The following VIPR1 variants were observed in gnomAD, a reference collection of about 807,000 sequenced individuals.
VIPR1 encodes vasoactive intestinal polypeptide receptor 1.
In VIPR1, 59 loss-of-function variants were observed where a neutral mutation model predicts 58.8. That is an observed-to-expected ratio of 1.00 (90% CI 0.81 to 1.25). The LOEUF (loss-of-function observed/expected upper bound fraction) is 1.25, where lower values mean the gene tolerates loss of function less well. VIPR1 is among the 50% of genes most tolerant of loss of function. VIPR1 has a pLI of 0.00. For missense variants in VIPR1, 626 were observed against 602.7 expected (o/e 1.04, Z -0.40); for synonymous variants, 251 against 242.1 (o/e 1.04, Z -0.34).
Position 42,531,836 on chromosome 3 carries a change from G to C in VIPR1, c.885G>C (p.Trp295Cys), listed in dbSNP as rs756655145. Residue 295 changes from tryptophan (W) to cysteine (C), a missense_variant, in exon 9 of 13, where the codon TGG becomes TGC. Trp to Cys is a radical substitution (Grantham distance 215, BLOSUM62 -2). Transcript: ENST00000325123. ...CWDTINSSLW[W>C]IIKGPILTSI... ...ACACCATCAACTCCTCACTGTGGTG[G>C]ATCATAAAGGGCCCCATCCTCACCT... 1.2e-6 allele frequency: 2 copies of C among 1,614,112 alleles called. No individual in the cohort carries two copies. Among genetic ancestry groups the C allele is most frequent in the Non-Finnish European group, 8.5e-7 (1 of 1,180,022 alleles).
intron 1 of VIPR1, among the ~76,000 whole-genome samples, chr3:42,504,975 A>G (rs553635019): frequency 1.4e-4 from 21 of 146,410 alleles, no homozygotes; most frequent in Non-Finnish European, 2.8e-4. Flanking sequence ...CCCCAAGGCC[A>G]CCTGTCAAGC....
At chr3:42,520,274 A>AG (rs971063311) in intron 3 of VIPR1, among the ~76,000 whole-genome samples, 1 of 152,220 alleles carries the variant, frequency 6.6e-6, no homozygotes, top group African/African-American at 2.4e-5. Flanking sequence ...CGCCGAGGCC[A>AG]GACCATGCAG....
At chr3:42,491,185 T>C (rs1699658190) in intron 1 of VIPR1, among the ~76,000 whole-genome samples, 1 of 152,190 alleles carries the variant, frequency 6.6e-6, no homozygotes, top group Non-Finnish European at 1.5e-5. Context: ...GGAGTCTCTG[T>C]ATGAAATTTG....
At chr3:42,499,833 T>C (rs114072412), upstream of VIPR1, among the ~76,000 whole-genome samples, 758 of 152,180 alleles carry the variant, frequency 5.0e-3, 7 homozygotes, top group African/African-American at 0.017. Context: ...AAGGATGGCT[T>C]CCTCAGCAGA....
rs917140010 is a variant in VIPR1 at position 42,532,247 on chromosome 3, C to T, written c.924C>T (p.Asn308=). Residue 308 remains asparagine (N), a synonymous_variant, in exon 10 of 13, where the codon AAC becomes AAT. Coordinates refer to ENST00000325123, the MANE Select transcript of VIPR1 (RefSeq NM_004624.4). ...CTCGGGTCCCCACCCACTAGGTAAA[C>T]TTCATCCTGTTTATTTGCATCATCC... is the stretch of plus-strand genomic sequence containing the variant. ...KGPILTSILV[N]FILFICIIRI... is the part of the protein sequence containing the mutation. 4 of 1,614,182 alleles carry T rather than the reference C, an allele frequency of 2.5e-6. No individual in the cohort carries two copies. The highest frequency in any genetic ancestry group is 3.4e-6 in the Non-Finnish European group (4 of 1,180,024).
intron 4 of VIPR1, among the ~76,000 whole-genome samples, chr3:42,527,076 G>A (rs945165405): frequency 6.6e-6 from 1 of 152,084 alleles, no homozygotes; most frequent in Non-Finnish European, 1.5e-5. Flanking sequence ...GCACATGGCT[G>A]GAGACATGAA....
Position 42,535,097 on chromosome 3 carries a change from C to CTT in VIPR1, c.1135_1136dup (p.Gln380SerfsTer21), listed in dbSNP as rs1171143444. ...ATGGTCTTTGAGCTCGTCGTGGGGT[C>CTT]TTTCCAGGTATGGGCTGTTGACTTA... is the stretch of plus-strand genomic sequence containing the variant. On this transcript the variant is annotated frameshift_variant, in exon 11 of 13. Transcript: ENST00000325123. LOFTEE classifies it high-confidence loss of function. The CTT allele has an allele frequency of 1.9e-6, 3 of 1,614,120 alleles. No individual in the cohort carries two copies. Among genetic ancestry groups the CTT allele is most frequent in the Non-Finnish European group, 2.5e-6 (3 of 1,180,050 alleles).
intron 2 of VIPR1, among the ~76,000 whole-genome samples, chr3:42,517,681 A>G (rs748692994): frequency 1.3e-5 from 2 of 152,130 alleles, no homozygotes; most frequent in Non-Finnish European, 2.9e-5. Context: ...GTTGTTCAAG[A>G]ACTAGGTGCG....
At chr3:42,533,429 AC>A (rs1345321368) in intron 10 of VIPR1, 1 of 47,274 alleles carries the variant, frequency 2.1e-5, no homozygotes, top group Non-Finnish European at 3.6e-5. Context: ...GCTGGGGGGG[AC>A]GGGGGGGGCA....
At chr3:42,490,755 G>A (rs1699651766) in intron 1 of VIPR1, among the ~76,000 whole-genome samples, 1 of 152,162 alleles carries the variant, frequency 6.6e-6, no homozygotes, top group African/African-American at 2.4e-5. Flanking sequence ...GTATTAAGGA[G>A]GGGGACTGGC....
Position 42,536,660 on chromosome 3 carries a change from A to C in VIPR1, c.*379A>C. On this transcript the variant is annotated 3_prime_UTR_variant, in exon 13 of 13. Transcript: ENST00000325123. ...AGCAACCGGTGGATCCTCAAACAAC[A>C]CTGGTGTGACCTGAGGGCAGAAAGG... 3 of 181,002 alleles carry C rather than the reference A, an allele frequency of 1.7e-5. No homozygotes were observed. The highest frequency in any genetic ancestry group is 2.3e-5 in the Non-Finnish European group (2 of 87,862). 11.2% of individuals were successfully genotyped at this position (181,002 alleles called of 1,614,324 possible). A position where few individuals can be genotyped will look rare whatever the true frequency, so the allele number is the denominator to read the frequency against.
At position 42,530,852 on chromosome 3, in the gene VIPR1, G is replaced by A. The variant is rs1445366788; in HGVS notation, c.710G>A (p.Gly237Asp). 1.2e-6 allele frequency: 2 copies of A among 1,614,118 alleles called. No homozygotes were observed. The highest frequency in any genetic ancestry group is 1.1e-5 in the South Asian group (1 of 91,084). The change falls in exon 7 of 13, where the codon GGC becomes GAC. Residue 237 changes from glycine to aspartate, a missense_variant. Coordinates refer to ENST00000325123, the MANE Select transcript of VIPR1 (RefSeq NM_004624.4). Reference protein sequence around the residue: ...MANFFWLLVEGLYLYTLLAVS... With the variant: ...MANFFWLLVEDLYLYTLLAVS... The stretch of plus-strand genomic sequence containing the variant: ...AACTTCTTCTGGCTGCTGGTGGAGG[G>A]CCTCTACCTGTACACCCTGCTTGCC...
Position 42,527,381 on chromosome 3 carries a change from T to G in VIPR1, c.400-12T>G. ...CCCACCACCCAAGAGCCTCTCCCTG[T>G]CCCTCCAACAGCAGCAGACCATGTT... On this transcript the variant is annotated splice_polypyrimidine_tract_variant and intron_variant, in intron 4 of 12. Coordinates refer to ENST00000325123, the MANE Select transcript of VIPR1 (RefSeq NM_004624.4). 1 of 1,611,134 alleles carries G rather than the reference T, an allele frequency of 6.2e-7. No individual in the cohort carries two copies. The highest frequency in any genetic ancestry group is 8.5e-7 in the Non-Finnish European group (1 of 1,178,078).
chr3:42,512,731 AACT>A, intron 1 of VIPR1: 1 of 985,338 alleles, frequency 1.0e-6, no homozygotes, highest in South Asian at 4.7e-5. Flanking sequence ...CCCTGGTGGA[AACT>A]GACATTCTTC....
At position 42,513,826 on chromosome 3, in the gene VIPR1, G is replaced by A. The variant is rs1253822084; in HGVS notation, c.156G>A (p.Glu52=). ...AGGTGCAGCACAAGCAGTGCCTGGA[G>A]GAGGCCCAGCTGGAGAATGAGACAA... ...MIEVQHKQCL[E]EAQLENETIG... Residue 52 remains glutamate (E), a synonymous_variant, in exon 2 of 13, where the codon GAG becomes GAA. Coordinates refer to ENST00000325123, the MANE Select transcript of VIPR1 (RefSeq NM_004624.4). The A allele has an allele frequency of 2.6e-6, 4 of 1,551,556 alleles. No homozygotes were observed. The Admixed American group carries it at 5.9e-5, about 23-fold the overall frequency.
At chr3:42,501,053 G>A (rs1237513065), upstream of VIPR1, among the ~76,000 whole-genome samples, 1 of 152,104 alleles carries the variant, frequency 6.6e-6, no homozygotes, top group Non-Finnish European at 1.5e-5. The surrounding 1 kb of genome is among the most constrained non-coding windows in gnomAD (Gnocchi z 4.8). Context: ...AGGAGGGAGG[G>A]GCTCCATGGT....
intron 1 of VIPR1, chr3:42,512,639 G>A (rs1171385421): frequency 2.8e-6 from 2 of 726,624 alleles, no homozygotes; most frequent in Middle Eastern, 7.1e-4. Flanking sequence ...TAAGGACCCT[G>A]TCCCAGGGTG....
chr3:42,513,615 CTTGGGTTGGTA>C (rs1375087903), intron 1 of VIPR1, 123 bp from the exon 2 acceptor site: 1 of 931,128 alleles, frequency 1.1e-6, no homozygotes, highest in Non-Finnish European at 1.6e-6. Flanking sequence ...AGGTTTCAGT[CTTGGGTTGGTA>C]TTGGGGTTCC....
rs1321770200 is a variant in VIPR1, at chr3:42,530,922, C to T, written c.780C>T (p.Leu260=). 2 of 1,614,014 alleles carry T rather than the reference C, an allele frequency of 1.2e-6. No individual in the cohort carries two copies. Among genetic ancestry groups the T allele is most frequent in the Non-Finnish European group, 8.5e-7 (1 of 1,179,906 alleles). The change falls in exon 7 of 13, where the codon CTC becomes CTT. Residue 260 remains leucine (L), a synonymous_variant. Transcript: ENST00000325123. ...SERKYFWGYI[L]IGWGVPSTFT... is the part of the protein sequence containing the mutation. Reference sequence around the variant, plus strand: ...GGAAGTACTTCTGGGGGTACATACTCATCGGCTGGGGTATGGTACCAGGGA... The same window carrying T: ...GGAAGTACTTCTGGGGGTACATACTTATCGGCTGGGGTATGGTACCAGGGA...
Sources: allele counts gnomAD v4.1 joint callset (sites outside exome capture counted in the v4.1 genomes callset), GRCh38; gene constraint gnomAD v4.1.1; non-coding constraint Gnocchi (gnomAD v3.1); transcripts MANE v1.5; gene names NCBI Gene and HGNC (gene_info 2026-07-23, HGNC 2026-07-21).